Variants in FREM2 observed in about 807,000 individuals in gnomAD.
FREM2 encodes FRAS1-related extracellular matrix protein 2.
Under a neutral mutation model 219.9 loss-of-function variants are expected in FREM2, and 119 were observed. The ratio of observed to expected loss-of-function variants is 0.54; its 90% CI spans 0.47 to 0.63. The LOEUF is 0.63. Among genes scored for constraint, FREM2 ranks in the 30% least tolerant of loss-of-function variants. The pLI, the probability that FREM2 is intolerant of heterozygous loss-of-function variation, is 0.00. For synonymous variants in FREM2, 1,562 were observed against 1,522.8 expected, an observed-to-expected ratio of 1.03 and a Z score of -0.60; for missense variants, 4,030 against 3,993.6, an observed-to-expected ratio of 1.01 and a Z score of -0.25.
chr13:38,734,738 C>CTTTTTT lies in FREM2; in HGVS notation c.5264-29547_5264-29542dup, dbSNP rs11314517. 3.9e-4 allele frequency among the ~76,000 whole-genome samples: 35 copies of CTTTTTT among 89,390 alleles called. 1 individual carries two copies. Among genetic ancestry groups the CTTTTTT allele is most frequent in the African/African-American group, 4.4e-4 (10 of 22,676 alleles). The allele number at this position is 89,390 out of a possible 152,430, so 58.6% of individuals were successfully genotyped here. ...TAGTGAGAAGAATTGCAGTGCTATA[C>CTTTTTT]TTTTTTTTTTTTTTTTTTTTTTTTC... On this transcript the variant is annotated intron_variant, in intron 2 of 23. Transcript: ENST00000280481.
rs373351834 is a variant in FREM2 at position 38,851,793 on chromosome 13, A to G, written c.6850A>G (p.Lys2284Glu). Residue 2284 changes from lysine (K) to glutamate (E), a missense_variant, in exon 11 of 24, where the codon AAG becomes GAG. Transcript: ENST00000280481. Reference protein sequence around the residue: ...IPVIRQGDTSKVSIVRVHTKD... With the variant: ...IPVIRQGDTSEVSIVRVHTKD... ...AGTGATTCGCCAAGGAGACACTTCA[A>G]AGGTTTCCATTGTGAGAGTCCACAC... The G allele has an allele frequency of 1.5e-5, 25 of 1,613,906 alleles. No individual in the cohort carries two copies. The highest frequency in any genetic ancestry group is 1.9e-5 in the Non-Finnish European group (23 of 1,179,942).
At chr13:38,823,023 A>T (rs1876128962) in intron 6 of FREM2, among the ~76,000 whole-genome samples, 1 of 152,090 alleles carries the variant, frequency 6.6e-6, no homozygotes, top group Non-Finnish European at 1.5e-5. Context: ...AAAGCATCAA[A>T]ACAAATCAGG....
chr13:38,850,029 T>A lies in FREM2; in HGVS notation c.6380-9T>A. On this transcript the variant is annotated splice_polypyrimidine_tract_variant and intron_variant, in intron 8 of 23. Coordinates refer to ENST00000280481, the MANE Select transcript of FREM2 (RefSeq NM_207361.6). Reference sequence around the variant, plus strand: ...AATTTCTGTTCACTTTAATCCTTTGTTTTTGCAGTGCCTAAGATGCAATTC... The same window carrying A: ...AATTTCTGTTCACTTTAATCCTTTGATTTTGCAGTGCCTAAGATGCAATTC... The A allele has an allele frequency of 6.2e-7, 1 of 1,611,628 alleles. No individual in the cohort carries two copies. The highest frequency in any genetic ancestry group is 8.5e-7 in the Non-Finnish European group (1 of 1,177,886).
chr13:38,878,289 TCTC>T lies in FREM2; in HGVS notation c.8830_8832del (p.Pro2944del). On this transcript the variant is annotated inframe_deletion, in exon 22 of 24. Transcript: ENST00000280481. ...TGCAGAATATGGCTGCTTAGCCGAC[TCTC>T]CTTCACTCTTATATAGATTTAAAAT... 2 of 1,613,488 alleles carry T rather than the reference TCTC, an allele frequency of 1.2e-6. No individual in the cohort carries two copies. The highest frequency in any genetic ancestry group is 1.7e-6 in the Non-Finnish European group (2 of 1,179,786).
At position 38,689,996 on chromosome 13, in the gene FREM2, G is replaced by A. The variant is rs1869742575; in HGVS notation, c.2652G>A (p.Leu884=). 5 of 1,613,948 alleles carry A rather than the reference G, an allele frequency of 3.1e-6. No homozygotes were observed. The highest frequency in any genetic ancestry group is 3.4e-6 in the Non-Finnish European group (4 of 1,180,042). The part of the protein sequence containing the change: ...HGHMRVSGQI[L]HVGGLFHLED... ...ACATGAGAGTGTCTGGACAGATCCTGCATGTAGGGGGTCTCTTCCACTTGG... is the reference window on the plus strand; with the variant it reads ...ACATGAGAGTGTCTGGACAGATCCTACATGTAGGGGGTCTCTTCCACTTGG... Residue 884 remains leucine, a synonymous_variant, in exon 1 of 24, where the codon CTG becomes CTA. Coordinates refer to ENST00000280481, the MANE Select transcript of FREM2 (RefSeq NM_207361.6).
chr13:38,748,972 A>G (rs185135565), intron 2 of FREM2, among the ~76,000 whole-genome samples: 94 of 152,198 alleles, frequency 6.2e-4, no homozygotes, highest in African/African-American at 2.2e-3. Flanking sequence ...AACATGTAGT[A>G]TTTCTCTTTT....
At chr13:38,832,245 C>G (rs967252076) in intron 6 of FREM2, among the ~76,000 whole-genome samples, 1 of 151,984 alleles carries the variant, frequency 6.6e-6, no homozygotes, top group African/African-American at 2.4e-5. Flanking sequence ...TCCTGAGCGA[C>G]AGAGCAAGAC....
chr13:38,688,298 C>G lies in FREM2; in HGVS notation c.954C>G (p.Pro318=), dbSNP rs9576597. The G allele has an allele frequency of 0.013, 20,487 of 1,614,132 alleles. 759 individuals carry two copies. The East Asian group carries it at 0.15, about 12-fold the overall frequency. ...GAGGAGGGGCCGAGAACACTGCACCCAAGCCCAGTTTCGTGGCCATGATGA... is the reference window on the plus strand; with the variant it reads ...GAGGAGGGGCCGAGAACACTGCACCGAAGCCCAGTTTCGTGGCCATGATGA... The part of the protein sequence containing the change: ...RIRGGAENTA[P]KPSFVAMMMM... The change falls in exon 1 of 24, where the codon CCC becomes CCG. Residue 318 remains proline (P), a synonymous_variant. Coordinates refer to ENST00000280481, the MANE Select transcript of FREM2 (RefSeq NM_207361.6).
At chr13:38,836,698 T>G (rs1876722293) in intron 6 of FREM2, among the ~76,000 whole-genome samples, 1 of 152,196 alleles carries the variant, frequency 6.6e-6, no homozygotes, top group Non-Finnish European at 1.5e-5. Flanking sequence ...CAGGAATTTA[T>G]CAATTTCTCC....
Position 38,819,203 on chromosome 13 carries a change from G to A in FREM2, c.6020-27370G>A, listed in dbSNP as rs566256389. ...GGCCCTGGCTGCTATGCTGCTGTGCGCTTGCCTGGTCTTTTTGAAACTGTT... is the reference window on the plus strand; with the variant it reads ...GGCCCTGGCTGCTATGCTGCTGTGCACTTGCCTGGTCTTTTTGAAACTGTT... On this transcript the variant is annotated intron_variant, in intron 6 of 23. Coordinates refer to ENST00000280481, the MANE Select transcript of FREM2 (RefSeq NM_207361.6). Among the ~76,000 whole-genome samples, 10 of 152,194 alleles carry A rather than the reference G, an allele frequency of 6.6e-5. No individual in the cohort carries two copies. In the South Asian group the frequency reaches 8.3e-4, roughly 13 times the overall value.
intron 3 of FREM2, among the ~76,000 whole-genome samples, chr13:38,768,579 A>G (rs2137813758): frequency 6.6e-6 from 1 of 152,078 alleles, no homozygotes; most frequent in Non-Finnish European, 1.5e-5. Flanking sequence ...GCCCAGCCTT[A>G]TTTTTCCAAC....
intron 6 of FREM2, among the ~76,000 whole-genome samples, chr13:38,810,909 G>A (rs1332797168): frequency 6.6e-6 from 1 of 151,842 alleles, no homozygotes; most frequent in Non-Finnish European, 1.5e-5. Context: ...AAATGTTTTG[G>A]TAGAATTCAG....
At chr13:38,781,530 G>A (rs1874117710) in intron 4 of FREM2, among the ~76,000 whole-genome samples, 1 of 151,808 alleles carries the variant, frequency 6.6e-6, no homozygotes, top group Non-Finnish European at 1.5e-5. Context: ...ATGAGGCCAA[G>A]GATTTTGTTA....
At chr13:38,731,054 A>T (rs1871747492) in intron 2 of FREM2, among the ~76,000 whole-genome samples, 1 of 152,172 alleles carries the variant, frequency 6.6e-6, no homozygotes, top group Non-Finnish European at 1.5e-5. Context: ...GCAAAGCTTA[A>T]TGCTCATTGT....
intron 6 of FREM2, among the ~76,000 whole-genome samples, chr13:38,840,345 G>C (rs114342238): frequency 0.015 from 2,341 of 151,360 alleles, 50 homozygotes; most frequent in African/African-American, 0.054. Context: ...TGCAGAAATC[G>C]CCTGCCTTCT....
In FREM2 at chr13:38,795,998, TTTTC is replaced by T. The variant is rs563113321; in HGVS notation, c.6019+11206_6019+11209del. Among the ~76,000 whole-genome samples the T allele has an allele frequency of 8.2e-3, 1,229 of 149,910 alleles. 8 individuals are homozygous for T. The highest frequency in any genetic ancestry group is 0.014 in the Middle Eastern group (4 of 294). On this transcript the variant is annotated intron_variant, in intron 6 of 23. Coordinates refer to ENST00000280481, the MANE Select transcript of FREM2 (RefSeq NM_207361.6). ...AGTTTTCTTTCTTTCTTTCTTTCTT[TTTTC>T]TTTCTTTCTTTCTTTTTTTGTCGAA...
chr13:38,753,173 A>T (rs897138542), intron 2 of FREM2, among the ~76,000 whole-genome samples: 24 of 151,988 alleles, frequency 1.6e-4, no homozygotes, highest in African/African-American at 4.1e-4. Context: ...TAGTATTTAA[A>T]TTTTTTTTAA....
intron 2 of FREM2, among the ~76,000 whole-genome samples, chr13:38,757,608 T>G (rs1873065803): frequency 1.3e-5 from 2 of 152,032 alleles, no homozygotes; most frequent in African/African-American, 4.8e-5. Context: ...TTTCTCTTTT[T>G]TTTTTACATG....
intron 2 of FREM2, among the ~76,000 whole-genome samples, chr13:38,731,756 T>C (rs1014189379): frequency 6.6e-6 from 1 of 152,174 alleles, no homozygotes; most frequent in Non-Finnish European, 1.5e-5. Flanking sequence ...GAATTTGTTT[T>C]GTAGGCACCA....
Sources: gnomAD v4.1 joint callset for allele counts (sites outside exome capture counted in the v4.1 genomes callset) on GRCh38, gnomAD v4.1.1 for gene constraint, MANE v1.5 for transcripts, NCBI Gene and HGNC (gene_info 2026-07-23, HGNC 2026-07-21) for gene names.